The following SUGCT variants were observed in gnomAD, a reference collection of about 807,000 sequenced individuals.
The protein encoded by SUGCT is succinyl-CoA:glutarate-CoA transferase, also known as succinyl-CoA:glutarate CoA-transferase.
In SUGCT, 41 loss-of-function variants were observed where a neutral mutation model predicts 55.0. The observed-to-expected ratio is 0.74, with a 90% CI of 0.58 to 0.97. SUGCT has a LOEUF of 0.97. SUGCT is among the 50% of genes least tolerant of loss of function. SUGCT has a pLI of 0.00. For synonymous variants in SUGCT, 187 were observed against 200.4 expected, an observed-to-expected ratio of 0.93 and a Z score of 0.56; for missense variants, 568 against 547.8, an observed-to-expected ratio of 1.04 and a Z score of -0.37.
chr7:40,917,618 T>G, the SUGCT span, among the ~76,000 whole-genome samples: 1 of 152,138 alleles, frequency 6.6e-6, no homozygotes, highest in Non-Finnish European at 1.5e-5. Context: ...TTCAAGCTGC[T>G]ATAACAACAA....
At chr7:40,388,192 C>G (rs1321437677) in intron 9 of SUGCT, 1 of 152,180 alleles carries the variant, frequency 6.6e-6, no homozygotes, top group Non-Finnish European at 1.5e-5. Context: ...AGTACAGAGC[C>G]TACACCTGGA....
chr7:40,812,930 T>C (rs528133547), intron 13 of SUGCT, among the ~76,000 whole-genome samples: 27 of 152,258 alleles, frequency 1.8e-4, no homozygotes, highest in Non-Finnish European at 1.5e-5. Context: ...TATTTTCATT[T>C]ATTTCAAATA....
At chr7:40,518,429 A>T (rs1219370618) in intron 12 of SUGCT, among the ~76,000 whole-genome samples, 1 of 152,166 alleles carries the variant, frequency 6.6e-6, no homozygotes, top group African/African-American at 2.4e-5. Context: ...AATGAAAGCC[A>T]GATTACTTAT....
chr7:40,206,206 A>G (rs537826459), intron 6 of SUGCT, among the ~76,000 whole-genome samples: 1 of 152,370 alleles, frequency 6.6e-6, no homozygotes, highest in African/African-American at 2.4e-5. Context: ...AGGCCTGGGA[A>G]ATAAATCCAT....
At chr7:40,828,138 T>C (rs1210754904) in intron 13 of SUGCT, among the ~76,000 whole-genome samples, 1 of 152,232 alleles carries the variant, frequency 6.6e-6, no homozygotes, top group Non-Finnish European at 1.5e-5. Flanking sequence ...CATGAGAGGA[T>C]AGAACAGTAA....
intron 7 of SUGCT, among the ~76,000 whole-genome samples, chr7:40,246,055 GATT>G (rs1416352549): frequency 2.0e-5 from 3 of 151,870 alleles, no homozygotes; most frequent in African/African-American, 7.3e-5. Context: ...GGCTGGGTTC[GATT>G]ATTATTATTT....
chr7:40,586,515 C>A (rs1797389821), intron 12 of SUGCT, among the ~76,000 whole-genome samples: 1 of 152,008 alleles, frequency 6.6e-6, no homozygotes, highest in Non-Finnish European at 1.5e-5. Context: ...TTGGGTCTTG[C>A]AGAAGGGAAG....
chr7:40,276,494 A>G (rs1792488196), intron 8 of SUGCT, among the ~76,000 whole-genome samples: 1 of 152,192 alleles, frequency 6.6e-6, no homozygotes, highest in Non-Finnish European at 1.5e-5. Context: ...TTTTATTTAC[A>G]CCAGTACTCA....
chr7:40,952,170 G>A, the SUGCT span, among the ~76,000 whole-genome samples: 14 of 152,238 alleles, frequency 9.2e-5, no homozygotes, highest in Middle Eastern at 3.4e-3. Flanking sequence ...AGTATAGTTA[G>A]CTCTTCTTGT....
In SUGCT at chr7:40,395,396, C is replaced by A. The variant is rs1027752310; in HGVS notation, c.817-53891C>A. Among the ~76,000 whole-genome samples, 7 of 142,106 alleles carry A rather than the reference C, an allele frequency of 4.9e-5. No individual in the cohort carries two copies. The East Asian group carries it at 1.5e-3, about 30-fold the overall frequency. The allele number at this position is 142,106 out of a possible 152,430, so 93.2% of individuals were successfully genotyped here. A position where few individuals can be genotyped will look rare whatever the true frequency, so the allele number is the denominator to read the frequency against. On this transcript the variant is annotated intron_variant, in intron 9 of 13. Coordinates refer to ENST00000335693, the MANE Select transcript of SUGCT (RefSeq NM_001193313.2). ...TCCAGCTACTTGGGAGGCTGAGGCA[C>A]GAGAATCACTTGAACCCAGGAGGCA...
chr7:40,755,699 C>T (rs891799504), intron 13 of SUGCT, among the ~76,000 whole-genome samples: 2 of 152,156 alleles, frequency 1.3e-5, no homozygotes, highest in African/African-American at 2.4e-5. Flanking sequence ...CAGTTTCTCA[C>T]CATAACCTTT....
chr7:40,642,857 T>C (rs1800331316), intron 12 of SUGCT, among the ~76,000 whole-genome samples: 1 of 152,144 alleles, frequency 6.6e-6, no homozygotes, highest in Non-Finnish European at 1.5e-5. Flanking sequence ...GCCAGGGTTA[T>C]AGTGAGGGCA....
chr7:40,249,449 G>T (rs1447768583), intron 7 of SUGCT, among the ~76,000 whole-genome samples: 1 of 144,632 alleles, frequency 6.9e-6, no homozygotes, highest in Non-Finnish European at 1.5e-5. Flanking sequence ...CACAAGAAAG[G>T]TGTCATGTAT....
chr7:40,950,468 C>A, the SUGCT span, among the ~76,000 whole-genome samples: 1 of 152,136 alleles, frequency 6.6e-6, no homozygotes, highest in Non-Finnish European at 1.5e-5. Context: ...TGCCTGATTA[C>A]CCAGGCCAGA....
chr7:40,762,495 G>A (rs1025936212), intron 13 of SUGCT, among the ~76,000 whole-genome samples: 1 of 152,102 alleles, frequency 6.6e-6, no homozygotes, highest in East Asian at 1.9e-4. Context: ...ACCACCAAAA[G>A]GGAAACTTGA....
At chr7:40,204,531 T>A (rs1786836894) in intron 6 of SUGCT, among the ~76,000 whole-genome samples, 1 of 152,066 alleles carries the variant, frequency 6.6e-6, no homozygotes. Flanking sequence ...CTCGATCTCC[T>A]GGCCTCGTGA....
At chr7:40,252,765 A>G (rs1045204730) in intron 7 of SUGCT, among the ~76,000 whole-genome samples, 8 of 152,076 alleles carry the variant, frequency 5.3e-5, no homozygotes, top group African/African-American at 1.7e-4. Context: ...CTCCCACCTC[A>G]GCCTCCTAAC....
chr7:40,964,528 C>T, the SUGCT span: 1 of 152,150 alleles, frequency 6.6e-6, no homozygotes, highest in African/African-American at 2.4e-5. Context: ...GTCTCAGTAA[C>T]ATCACTTTGC....
intron 9 of SUGCT, among the ~76,000 whole-genome samples, chr7:40,411,054 G>A (rs181380309): frequency 1.5e-4 from 23 of 152,282 alleles, no homozygotes; most frequent in African/African-American, 5.5e-4. Context: ...AAAATATAGA[G>A]TGGGAAAAAT....
Sources: gnomAD v4.1 joint callset for allele counts (sites outside exome capture counted in the v4.1 genomes callset) on GRCh38, gnomAD v4.1.1 for gene constraint, MANE v1.5 for transcripts, NCBI Gene and HGNC (gene_info 2026-07-23, HGNC 2026-07-21) for gene names.